Variants in EIF4ENIF1 observed in about 807,000 individuals in gnomAD.
The protein encoded by EIF4ENIF1 is eukaryotic translation initiation factor 4E nuclear import factor 1, also known as eukaryotic translation initiation factor 4E transporter.
A neutral mutation model predicts 110.5 loss-of-function variants in EIF4ENIF1; 23 were observed. That is an observed-to-expected ratio of 0.21 (90% CI 0.15 to 0.29). The LOEUF (loss-of-function observed/expected upper bound fraction) is 0.29. Ranked by LOEUF, EIF4ENIF1 falls within the 10% of genes least tolerant of loss-of-function variation. The pLI is 1.00. For synonymous variants in EIF4ENIF1, 440 were observed against 437.0 expected, an observed-to-expected ratio of 1.01 and a Z score of -0.09; for missense variants, 1,031 against 1,221.1, an observed-to-expected ratio of 0.84 and a Z score of 2.32.
upstream of EIF4ENIF1, among the ~76,000 whole-genome samples, chr22:31,492,775 A>C (rs986432273): frequency 6.6e-6 from 1 of 152,208 alleles, no homozygotes; most frequent in Admixed American, 6.5e-5. Flanking sequence ...TGTATCGCCC[A>C]GGCTGGAGTG....
intron 10 of EIF4ENIF1, chr22:31,451,180 TG>T (rs1243421754): frequency 6.6e-6 from 1 of 152,186 alleles, no homozygotes; most frequent in Non-Finnish European, 1.5e-5. Context: ...CACCACACCC[TG>T]CCTACACATA....
rs547915894 is a variant in EIF4ENIF1, at chr22:31,449,103, C to G, written c.1768+245G>C. On this transcript the variant is annotated intron_variant, in intron 12 of 18. Coordinates refer to ENST00000330125, the MANE Select transcript of EIF4ENIF1 (RefSeq NM_019843.4). ...TTGGCTCACTGCAACCTCCGCCTCT[C>G]AGATTCAAGCGATTCTCCTGTCTCA... Among the ~76,000 whole-genome samples, 9 of 152,224 alleles carry G rather than the reference C, an allele frequency of 5.9e-5. No individual in the cohort carries two copies. The South Asian group carries it at 1.5e-3, about 25-fold the overall frequency.
At chr22:31,476,999 A>G (rs971239890) in intron 2 of EIF4ENIF1, among the ~76,000 whole-genome samples, 7 of 146,710 alleles carry the variant, frequency 4.8e-5, no homozygotes, top group African/African-American at 1.2e-4. Context: ...AAAAAAAAAA[A>G]GGCAGGGCAT....
intron 2 of EIF4ENIF1, chr22:31,479,555 T>G (rs888595752): frequency 6.6e-6 from 1 of 152,072 alleles, no homozygotes; most frequent in Non-Finnish European, 1.5e-5. Flanking sequence ...AATACCCCTT[T>G]GGGATATTTT....
At chr22:31,462,452 TC>T (rs1176941925) in intron 6 of EIF4ENIF1, among the ~76,000 whole-genome samples, 1 of 148,512 alleles carries the variant, frequency 6.7e-6, no homozygotes, top group East Asian at 2.0e-4. Flanking sequence ...GCCACTGCAC[TC>T]CAGCCCGGGC....
In EIF4ENIF1 at chr22:31,482,909, A is replaced by G. The variant is rs1054999880; in HGVS notation, c.96+5714T>C. 2.0e-5 allele frequency among the ~76,000 whole-genome samples: 3 copies of G among 151,226 alleles called. No homozygotes were observed. In the East Asian group the frequency reaches 5.9e-4, roughly 30 times the overall value. ...CATGGAGGCACGCGCCTGTAGTCCC[A>G]GCTACTCAAGAGGCTGAGGTAGGGA... On this transcript the variant is annotated intron_variant, in intron 2 of 18. Transcript: ENST00000330125.
At chr22:31,446,004 T>C (rs888980321) in intron 14 of EIF4ENIF1, among the ~76,000 whole-genome samples, 3 of 142,266 alleles carry the variant, frequency 2.1e-5, no homozygotes, top group African/African-American at 7.8e-5. Flanking sequence ...CATATAAAAT[T>C]CTGGGCCAGG....
intron 3 of EIF4ENIF1, among the ~76,000 whole-genome samples, chr22:31,471,584 G>C (rs879568094): frequency 2.6e-4 from 39 of 152,312 alleles, no homozygotes; most frequent in Non-Finnish European, 1.9e-4. Context: ...AAAGTGCTGG[G>C]ATTACAGGCA....
At chr22:31,446,064 GA>G (rs1005917004) in intron 14 of EIF4ENIF1, among the ~76,000 whole-genome samples, 1 of 151,028 alleles carries the variant, frequency 6.6e-6, no homozygotes, top group African/African-American at 2.4e-5. Flanking sequence ...CGAAGCAGGT[GA>G]ATCACTTGAG....
chr22:31,479,836 C>T (rs897335465), intron 2 of EIF4ENIF1, among the ~76,000 whole-genome samples: 1 of 151,580 alleles, frequency 6.6e-6, no homozygotes, highest in Non-Finnish European at 1.5e-5. Flanking sequence ...CTCAGCCTCC[C>T]AAGCAGCTAA....
At chr22:31,464,476 A>G (rs1287368895) in intron 4 of EIF4ENIF1, among the ~76,000 whole-genome samples, 1 of 150,942 alleles carries the variant, frequency 6.6e-6, no homozygotes, top group African/African-American at 2.4e-5. Flanking sequence ...TTAGGAGTTC[A>G]AGACCAGCCT....
chr22:31,450,485 C>T (rs534200508), intron 10 of EIF4ENIF1, 125 bp from the exon 11 acceptor site: 1 of 702,498 alleles, frequency 1.4e-6, no homozygotes, highest in South Asian at 1.6e-5. Flanking sequence ...ACTCAAGTCA[C>T]AGAAAACTTA....
intron 2 of EIF4ENIF1, among the ~76,000 whole-genome samples, chr22:31,479,948 G>C (rs1447078036): frequency 6.6e-6 from 1 of 152,056 alleles, no homozygotes; most frequent in Non-Finnish European, 1.5e-5. Context: ...TTAGGCTCAA[G>C]TGATCATCTT....
chr22:31,485,238 T>A (rs976845648), intron 2 of EIF4ENIF1, among the ~76,000 whole-genome samples: 2 of 152,202 alleles, frequency 1.3e-5, no homozygotes, highest in African/African-American at 4.8e-5. Context: ...TCCACTGTCA[T>A]TAAGCTAAAA....
At chr22:31,478,613 C>T (rs2051683482) in intron 2 of EIF4ENIF1, among the ~76,000 whole-genome samples, 2 of 151,098 alleles carry the variant, frequency 1.3e-5, no homozygotes, top group South Asian at 2.1e-4. Flanking sequence ...GTCACGAGAT[C>T]GAGACCATCC....
intron 2 of EIF4ENIF1, among the ~76,000 whole-genome samples, chr22:31,488,102 T>A (rs191141621): frequency 3.3e-4 from 50 of 152,324 alleles, no homozygotes; most frequent in Admixed American, 4.6e-4. Context: ...CTCCAGTTTT[T>A]AGCTAGGGGA....
chr22:31,438,421 GTCTTAAGGGAAAT>G (rs2050204646), downstream of EIF4ENIF1, among the ~76,000 whole-genome samples: 1 of 152,144 alleles, frequency 6.6e-6, no homozygotes, highest in African/African-American at 2.4e-5. Context: ...TAATGCATGA[GTCTTAAGGGAAAT>G]TCTTAGACTT....
chr22:31,471,157 T>C (rs1331921673), intron 3 of EIF4ENIF1, among the ~76,000 whole-genome samples: 1 of 151,516 alleles, frequency 6.6e-6, no homozygotes, highest in Non-Finnish European at 1.5e-5. Flanking sequence ...TAGGATGAAA[T>C]AAAGCTAATC....
At position 31,454,348 on chromosome 22, in the gene EIF4ENIF1, C is replaced by T; in HGVS notation, c.1308G>A (p.Glu436=). The change falls in exon 10 of 19, where the codon GAG becomes GAA. Residue 436 remains glutamate, a synonymous_variant. Coordinates refer to ENST00000330125, the MANE Select transcript of EIF4ENIF1 (RefSeq NM_019843.4). ...SSHSGVVLSV[E]EVEAGLKGLK... ...AGCCCTTCAGACCTGCTTCTACCTCCTCCACTGAAAGCACAACCCCTGAAT... is the reference window on the plus strand; with the variant it reads ...AGCCCTTCAGACCTGCTTCTACCTCTTCCACTGAAAGCACAACCCCTGAAT... 1.9e-6 allele frequency: 3 copies of T among 1,614,146 alleles called. No individual in the cohort carries two copies. In the South Asian group the frequency reaches 3.3e-5, roughly 18 times the overall value.
Sources: gnomAD v4.1 joint callset for allele counts (sites outside exome capture counted in the v4.1 genomes callset) on GRCh38, gnomAD v4.1.1 for gene constraint, MANE v1.5 for transcripts, NCBI Gene and HGNC (gene_info 2026-07-23, HGNC 2026-07-21) for gene names.